The following KDM2B variants were observed in gnomAD, a reference collection of about 807,000 sequenced individuals.
KDM2B encodes lysine demethylase 2B.
KDM2B carries 26 observed loss-of-function variants against 150.0 expected under a neutral mutation model. The ratio of observed to expected loss-of-function variants is 0.17; its 90% CI spans 0.13 to 0.24. KDM2B has a LOEUF of 0.24. KDM2B is among the 10% of genes least tolerant of loss of function. The probability of loss-of-function intolerance (pLI) is 1.00; values close to 1 mark genes in which losing one functional copy is unlikely to be tolerated. For missense variants in KDM2B, 1,265 were observed against 1,816.9 expected (o/e 0.70, Z 5.52); for synonymous variants, 734 against 729.5 (o/e 1.01, Z -0.10).
At chr12:121,416,116 A>G in the KDM2B span, 2 of 1,541,500 alleles carry the variant, frequency 1.3e-6, no homozygotes, top group South Asian at 2.2e-5. Flanking sequence ...GAGAGCCCAG[A>G]TTCCACTTAG....
chr12:121,452,913 A>G lies in KDM2B; in HGVS notation c.1959+207T>C, dbSNP rs1877546552. Among the ~76,000 whole-genome samples the G allele has an allele frequency of 1.3e-5, 2 of 152,134 alleles. No individual in the cohort carries two copies. Among genetic ancestry groups the G allele is most frequent in the Admixed American group, 1.3e-4 (2 of 15,286 alleles). ...TCTTTAATGGCAGCAACTTCAAAGT[A>G]CCTGAGCACCCTGGGAGGGAAGGAG... On this transcript the variant is annotated intron_variant, in intron 13 of 22. Coordinates refer to ENST00000377071, the MANE Select transcript of KDM2B (RefSeq NM_032590.5). This position sits in a 1 kb window ranked among gnomAD's most constrained non-coding sequence, Gnocchi z 4.4.
chr12:121,431,753 G>A lies in KDM2B; in HGVS notation c.3830-1284C>T, dbSNP rs185649132. Among the ~76,000 whole-genome samples, 564 of 152,240 alleles carry A rather than the reference G, an allele frequency of 3.7e-3. 1 individual carries two copies. The highest frequency in any genetic ancestry group is 0.013 in the African/African-American group (539 of 41,538). On this transcript the variant is annotated intron_variant, in intron 22 of 22. Coordinates refer to ENST00000377071, the MANE Select transcript of KDM2B (RefSeq NM_032590.5). Reference sequence around the variant, plus strand: ...ACCAATTCGTGAACCTGGAGCAGTGGTGCTGGAAAGCTGTCTACATACACA... The same window carrying A: ...ACCAATTCGTGAACCTGGAGCAGTGATGCTGGAAAGCTGTCTACATACACA...
chr12:121,510,437 T>G (rs1885486580), intron 10 of KDM2B, among the ~76,000 whole-genome samples: 1 of 152,170 alleles, frequency 6.6e-6, no homozygotes, highest in Admixed American at 6.5e-5. Flanking sequence ...GCTTTTTTTG[T>G]AGAGATGAGG....
intron 1 of KDM2B, chr12:121,580,537 T>A (rs1555317813): frequency 8.2e-7 from 1 of 1,220,848 alleles, no homozygotes; most frequent in East Asian, 4.0e-5. Context: ...GAGGGCCGAG[T>A]TGCAGGCGGC....
At chr12:121,530,121 G>C (rs556027469) in intron 8 of KDM2B, among the ~76,000 whole-genome samples, 2 of 150,804 alleles carry the variant, frequency 1.3e-5, no homozygotes, top group Non-Finnish European at 3.0e-5. Flanking sequence ...CCAGCTATTC[G>C]GGAAGCTGAG....
chr12:121,534,332 G>C (rs1248142382), intron 7 of KDM2B, among the ~76,000 whole-genome samples, 165 bp downstream of exon 7: 3 of 149,664 alleles, frequency 2.0e-5, no homozygotes, highest in African/African-American at 7.5e-5. Context: ...CTGGGCGACA[G>C]AGCGAGACTC....
intron 11 of KDM2B, among the ~76,000 whole-genome samples, chr12:121,504,549 A>C (rs1357904865): frequency 6.6e-6 from 1 of 152,120 alleles, no homozygotes; most frequent in Non-Finnish European, 1.5e-5. Flanking sequence ...AAAAAACCAA[A>C]ACCTACGTTA....
intron 8 of KDM2B, among the ~76,000 whole-genome samples, chr12:121,526,735 T>C (rs1305243591): frequency 2.0e-5 from 3 of 151,668 alleles, no homozygotes; most frequent in African/African-American, 7.3e-5. Flanking sequence ...TAAAACAAAA[T>C]TTAAAAATTT....
chr12:121,571,020 G>A (rs1358920978), intron 4 of KDM2B, among the ~76,000 whole-genome samples: 1 of 152,170 alleles, frequency 6.6e-6, no homozygotes, highest in Non-Finnish European at 1.5e-5. Flanking sequence ...AGAGAGTGAA[G>A]TACTGCCTCA....
intron 12 of KDM2B, among the ~76,000 whole-genome samples, chr12:121,456,520 C>G (rs1878262696): frequency 6.6e-6 from 1 of 152,132 alleles, no homozygotes; most frequent in Non-Finnish European, 1.5e-5. Flanking sequence ...TGGGCCACCT[C>G]CCAGGACAAA....
At chr12:121,570,611 A>G (rs782017637) in intron 4 of KDM2B, among the ~76,000 whole-genome samples, 13 of 152,166 alleles carry the variant, frequency 8.5e-5, no homozygotes, top group Non-Finnish European at 1.6e-4. Context: ...TAAAACTTCA[A>G]TCAAATGACC....
chr12:121,501,948 C>T (rs1053776010), intron 11 of KDM2B, among the ~76,000 whole-genome samples: 2 of 152,126 alleles, frequency 1.3e-5, no homozygotes, highest in Non-Finnish European at 2.9e-5. Context: ...AAAAAGCCAA[C>T]TGCGCTGGTG....
In KDM2B at chr12:121,557,227, G is replaced by A. The variant is rs1889965412; in HGVS notation, c.398-7589C>T. Among the ~76,000 whole-genome samples the A allele has an allele frequency of 4.3e-5, 6 of 138,610 alleles. No homozygotes were observed. The South Asian group carries it at 1.4e-3, about 32-fold the overall frequency. 90.9% of individuals were successfully genotyped at this position (138,610 alleles called of 152,430 possible). On this transcript the variant is annotated intron_variant, in intron 4 of 22. Coordinates refer to ENST00000377071, the MANE Select transcript of KDM2B (RefSeq NM_032590.5). ...GATTAGGGTAGGCCTAATAAGACAA[G>A]AGAATTTTTTTTTTTTTTTTTTTTT... is the stretch of plus-strand genomic sequence containing the variant.
intron 6 of KDM2B, among the ~76,000 whole-genome samples, chr12:121,544,114 CAA>C (rs57873693): frequency 1.2e-4 from 5 of 42,926 alleles, no homozygotes; most frequent in African/African-American, 3.4e-4. Flanking sequence ...GACCCTGCCT[CAA>C]AAAAAAAAAA....
At chr12:121,579,110 G>T in intron 1 of KDM2B, 164 bp from the exon 2 acceptor site, 1 of 749,472 alleles carries the variant, frequency 1.3e-6, no homozygotes. Flanking sequence ...TGAAAAGCAG[G>T]ACAAGGAGAG....
At chr12:121,420,905 G>C in the KDM2B span, 1 of 688,422 alleles carries the variant, frequency 1.5e-6, no homozygotes, top group African/African-American at 1.8e-5. Flanking sequence ...CTGAGTATCA[G>C]TTAGTTACAT....
intron 4 of KDM2B, among the ~76,000 whole-genome samples, chr12:121,555,599 C>G (rs1889830036): frequency 6.6e-6 from 1 of 152,188 alleles, no homozygotes; most frequent in African/African-American, 2.4e-5. Context: ...TGTCAAACTC[C>G]TGGGCTCAAG....
At chr12:121,415,367 T>C in the KDM2B span, 597 of 315,744 alleles carry the variant, frequency 1.9e-3, 8 homozygotes, top group African/African-American at 0.012. Context: ...ACACTTGTAA[T>C]CTGAGCACTT....
intron 12 of KDM2B, among the ~76,000 whole-genome samples, chr12:121,456,145 T>G (rs1234655408): frequency 1.3e-5 from 2 of 152,250 alleles, no homozygotes; most frequent in African/African-American, 4.8e-5. Context: ...ACCAGCATGA[T>G]GCGTGGACTC....
Sources: allele counts gnomAD v4.1 joint callset (sites outside exome capture counted in the v4.1 genomes callset), GRCh38; gene constraint gnomAD v4.1.1; non-coding constraint Gnocchi (gnomAD v3.1); transcripts MANE v1.5; gene names NCBI Gene and HGNC (gene_info 2026-07-23, HGNC 2026-07-21).